Variants in CHRM3 observed in about 807,000 individuals in gnomAD.
The protein encoded by CHRM3 is muscarinic acetylcholine receptor M3.
Under a neutral mutation model 41.8 loss-of-function variants are expected in CHRM3, and 11 were observed. The observed-to-expected ratio is 0.26, with a 90% CI of 0.17 to 0.44. CHRM3 has a LOEUF of 0.44. Ranked by LOEUF, CHRM3 falls within the 20% of genes least tolerant of loss-of-function variation. CHRM3 has a pLI of 1.00. For missense variants in CHRM3, 571 were observed against 745.4 expected, an observed-to-expected ratio of 0.77 and a Z score of 2.72; for synonymous variants, 297 against 301.4, an observed-to-expected ratio of 0.99 and a Z score of 0.15.
chr1:239,387,785 G>A lies in CHRM3; in HGVS notation c.-521+558G>A, dbSNP rs1360447994. On this transcript the variant is annotated intron_variant, in intron 1 of 6. Transcript: ENST00000676153. This position sits in a 1 kb window ranked among gnomAD's most constrained non-coding sequence, Gnocchi z 5.1. ...CGCAAGTTCGGATTGCATTTCAGGG[G>A]GCGAGAAGGCAAATTTGGCACTTCG... Among the ~76,000 whole-genome samples, 1 of 152,098 alleles carries A rather than the reference G, an allele frequency of 6.6e-6. No individual in the cohort carries two copies. Among genetic ancestry groups the A allele is most frequent in the East Asian group, 1.9e-4 (1 of 5,158 alleles).
intron 6 of CHRM3, among the ~76,000 whole-genome samples, chr1:239,898,950 A>G (rs1460852435): frequency 2.6e-5 from 4 of 152,142 alleles, no homozygotes; most frequent in African/African-American, 9.7e-5. Flanking sequence ...CTAACCTTCA[A>G]TTTCTCCTAA....
At position 239,883,150 on chromosome 1, in the gene CHRM3, G is replaced by C. The variant is rs558183517; in HGVS notation, c.-19-24283G>C. 3.9e-5 allele frequency among the ~76,000 whole-genome samples: 6 copies of C among 152,260 alleles called. No individual in the cohort carries two copies. In the East Asian group the frequency reaches 1.2e-3, roughly 29 times the overall value. On this transcript the variant is annotated intron_variant, in intron 6 of 6. Transcript: ENST00000676153. ...TAATCACTCACTCAGTGGGATAAAT[G>C]ACCCTGACCCTTGACTCATCATCGT...
At chr1:239,603,423 T>G (rs1029722902) in intron 3 of CHRM3, among the ~76,000 whole-genome samples, 17 of 152,268 alleles carry the variant, frequency 1.1e-4, no homozygotes, top group African/African-American at 3.1e-4. Flanking sequence ...GGTCACGGAT[T>G]CTGTGGCCTT....
chr1:239,497,514 T>A lies in CHRM3; in HGVS notation c.-422+4707T>A, dbSNP rs138924428. On this transcript the variant is annotated intron_variant, in intron 2 of 6. Transcript: ENST00000676153. ...GTTACTTGGATGAAGTAGAAGTAGA[T>A]CATACTATCTGTTCCAAGGTCTTCC... Among the ~76,000 whole-genome samples, 36 of 152,320 alleles carry A rather than the reference T, an allele frequency of 2.4e-4. No individual in the cohort carries two copies. The East Asian group carries it at 5.0e-3, about 21-fold the overall frequency.
At chr1:239,694,662 T>C (rs574693719) in intron 5 of CHRM3, among the ~76,000 whole-genome samples, 2 of 152,326 alleles carry the variant, frequency 1.3e-5, no homozygotes, top group East Asian at 3.9e-4. Flanking sequence ...TCAAAGGGAT[T>C]AAAATGTTCC....
chr1:239,825,503 G>A (rs899791118), intron 5 of CHRM3, among the ~76,000 whole-genome samples: 2 of 152,054 alleles, frequency 1.3e-5, no homozygotes. Context: ...TTCTCGTGGT[G>A]TATGTATGTT....
chr1:239,558,488 T>C (rs760227848), intron 3 of CHRM3, among the ~76,000 whole-genome samples: 3 of 152,220 alleles, frequency 2.0e-5, no homozygotes, highest in Non-Finnish European at 4.4e-5. Context: ...AGCGACACTC[T>C]TGTATTCACC....
chr1:239,544,085 G>A (rs1394586329), intron 2 of CHRM3, among the ~76,000 whole-genome samples: 2 of 152,190 alleles, frequency 1.3e-5, no homozygotes, highest in Non-Finnish European at 2.9e-5. Flanking sequence ...TGGCAGCAGG[G>A]TTGGAGTTTG....
At chr1:239,453,621 AAAG>A (rs1260729512) in intron 1 of CHRM3, among the ~76,000 whole-genome samples, 1 of 152,244 alleles carries the variant, frequency 6.6e-6, no homozygotes, top group Non-Finnish European at 1.5e-5. Flanking sequence ...GCTATTAAAA[AAAG>A]AAGGATGCAC....
intron 6 of CHRM3, among the ~76,000 whole-genome samples, chr1:239,904,702 G>A (rs1428127622): frequency 6.6e-6 from 1 of 152,102 alleles, no homozygotes; most frequent in Admixed American, 6.6e-5. Context: ...AAGTAAAAGA[G>A]AATAGTCTTG....
intron 1 of CHRM3, among the ~76,000 whole-genome samples, chr1:239,448,664 C>T (rs969046244): frequency 1.3e-5 from 2 of 152,062 alleles, no homozygotes; most frequent in Non-Finnish European, 2.9e-5. Flanking sequence ...GATATAATAA[C>T]AGATTTCTCT....
At chr1:239,486,520 G>A (rs1667192235) in intron 1 of CHRM3, among the ~76,000 whole-genome samples, 1 of 152,114 alleles carries the variant, frequency 6.6e-6, no homozygotes, top group Non-Finnish European at 1.5e-5. Flanking sequence ...AACCAGAATT[G>A]GCAAACTTTA....
chr1:239,545,376 G>A (rs1361049779), intron 2 of CHRM3, among the ~76,000 whole-genome samples: 2 of 152,072 alleles, frequency 1.3e-5, no homozygotes, highest in Admixed American at 6.6e-5. Context: ...TACAATGTAC[G>A]CTACTTGGGT....
rs537502451 is a variant in CHRM3 at position 239,537,504 on chromosome 1, C to T, written c.-421-8137C>T. On this transcript the variant is annotated intron_variant, in intron 2 of 6. Coordinates refer to ENST00000676153, the MANE Select transcript of CHRM3 (RefSeq NM_001375978.1). ...CCCCCATGAACCAAACTTCTCCCAC[C>T]AGGCCCCACCTGCAACGCTGGGGAT... Among the ~76,000 whole-genome samples, 3 of 152,186 alleles carry T rather than the reference C, an allele frequency of 2.0e-5. No homozygotes were observed. In the South Asian group the frequency reaches 6.2e-4, roughly 32 times the overall value.
intron 3 of CHRM3, among the ~76,000 whole-genome samples, chr1:239,569,072 T>C (rs974467928): frequency 2.0e-5 from 3 of 152,226 alleles, no homozygotes; most frequent in African/African-American, 7.2e-5. Flanking sequence ...TGGAATCCAT[T>C]GCTTTAATAC....
chr1:239,740,301 G>A (rs1031509148), intron 5 of CHRM3, among the ~76,000 whole-genome samples: 3 of 151,796 alleles, frequency 2.0e-5, no homozygotes, highest in Non-Finnish European at 2.9e-5. Flanking sequence ...AAATAATACC[G>A]TGAAGTGCTT....
At chr1:239,762,600 C>T (rs914719494) in intron 5 of CHRM3, among the ~76,000 whole-genome samples, 14 of 152,202 alleles carry the variant, frequency 9.2e-5, no homozygotes, top group Non-Finnish European at 2.1e-4. Flanking sequence ...TCTGCTTTCT[C>T]CCCTGTAGTT....
In CHRM3 at chr1:239,449,556, C is replaced by T. The variant is rs376158692; in HGVS notation, c.-520-43153C>T. On this transcript the variant is annotated intron_variant, in intron 1 of 6. Coordinates refer to ENST00000676153, the MANE Select transcript of CHRM3 (RefSeq NM_001375978.1). ...TTCCACTAGTTGATCTAGATAGCAA[C>T]TTTGATTTGGACCGAAAGTAAAACT... is the stretch of plus-strand genomic sequence containing the variant. Among the ~76,000 whole-genome samples the T allele has an allele frequency of 4.6e-5, 7 of 152,130 alleles. No homozygotes were observed. The East Asian group carries it at 1.2e-3, about 25-fold the overall frequency.
At chr1:239,542,670 T>C (rs1192403748) in intron 2 of CHRM3, among the ~76,000 whole-genome samples, 2 of 152,162 alleles carry the variant, frequency 1.3e-5, no homozygotes, top group Non-Finnish European at 2.9e-5. Flanking sequence ...AGTTGGTGTT[T>C]AGAGCCAAGT....
Sources: allele counts gnomAD v4.1 joint callset (sites outside exome capture counted in the v4.1 genomes callset), GRCh38; gene constraint gnomAD v4.1.1; non-coding constraint Gnocchi (gnomAD v3.1); transcripts MANE v1.5; gene names NCBI Gene and HGNC (gene_info 2026-07-23, HGNC 2026-07-21).